ADGRL3: variants seen among roughly 807,000 people sequenced by gnomAD.
ADGRL3 encodes calcium-independent alpha-latrotoxin receptor 3.
Under a neutral mutation model 153.5 loss-of-function variants are expected in ADGRL3, and 62 were observed. That is an observed-to-expected ratio of 0.40 (90% confidence interval 0.33 to 0.50). ADGRL3 has a LOEUF of 0.50. ADGRL3 is among the 20% of genes least tolerant of loss of function. The pLI, the probability that ADGRL3 is intolerant of heterozygous loss-of-function variation, is 0.47. For synonymous variants in ADGRL3, 710 were observed against 672.5 expected (o/e 1.06, Z -0.86); for missense variants, 1,641 against 1,859.4 (o/e 0.88, Z 2.16).
At chr4:61,904,193 A>AC (rs967819333) in intron 11 of ADGRL3, among the ~76,000 whole-genome samples, 8 of 151,026 alleles carry the variant, frequency 5.3e-5, no homozygotes, top group Non-Finnish European at 8.9e-5. Flanking sequence ...AAAAAAAAAA[A>AC]CACTTCTTGA....
At chr4:61,971,862 G>A (rs1436949636) in intron 17 of ADGRL3, among the ~76,000 whole-genome samples, 5 of 152,150 alleles carry the variant, frequency 3.3e-5, no homozygotes, top group African/African-American at 1.2e-4. Context: ...ATTGGTGTGA[G>A]ATGGTATCTC....
In ADGRL3 at chr4:62,071,117, C is replaced by T. The variant is rs747240327; in HGVS notation, c.*209C>T. 34 of 496,350 alleles carry T rather than the reference C, an allele frequency of 6.9e-5. No homozygotes were observed. Among genetic ancestry groups the T allele is most frequent in the Non-Finnish European group, 9.9e-5 (28 of 281,628 alleles). The allele number at this position is 496,350 out of a possible 1,614,324, so 30.7% of individuals were successfully genotyped here. On this transcript the variant is annotated 3_prime_UTR_variant, in exon 27 of 27. Coordinates refer to ENST00000683033, the MANE Select transcript of ADGRL3 (RefSeq NM_001387552.1). ...TAACTGCTAAAATTCCCCTGTACCCCATCCTTTCTTGTCCTTTCCCCTTCA... is the reference window on the plus strand; with the variant it reads ...TAACTGCTAAAATTCCCCTGTACCCTATCCTTTCTTGTCCTTTCCCCTTCA...
intron 6 of ADGRL3, among the ~76,000 whole-genome samples, chr4:61,699,628 T>C (rs907418499): frequency 6.6e-6 from 1 of 152,134 alleles, no homozygotes; most frequent in Non-Finnish European, 1.5e-5. Flanking sequence ...GAAGAGTTAA[T>C]AGACCCATTA....
chr4:61,970,583 T>A (rs1344740996), intron 17 of ADGRL3, among the ~76,000 whole-genome samples: 1 of 152,124 alleles, frequency 6.6e-6, no homozygotes, highest in Non-Finnish European at 1.5e-5. Flanking sequence ...TCCATTGAAT[T>A]CAAAGGACAA....
At chr4:61,958,377 GTTTC>G (rs3065141) in intron 17 of ADGRL3, among the ~76,000 whole-genome samples, 7,979 of 148,076 alleles carry the variant, frequency 0.054, 243 homozygotes, top group Admixed American at 0.064. Context: ...TGTTGTAAAG[GTTTC>G]TTTCTTTCTT....
In ADGRL3 at chr4:61,695,831, C is replaced by T. The variant is rs150434514; in HGVS notation, c.583+18896C>T. Among the ~76,000 whole-genome samples, 45 of 152,242 alleles carry T rather than the reference C, an allele frequency of 3.0e-4. 1 individual carries two copies. Among genetic ancestry groups the T allele is most frequent in the African/African-American group, 1.0e-3 (42 of 41,556 alleles). Reference sequence around the variant, plus strand: ...TCAGTTATCTTAGATCTCTGAATAACTTGCTGCAGCCTCTCCATCAGAATT... The same window carrying T: ...TCAGTTATCTTAGATCTCTGAATAATTTGCTGCAGCCTCTCCATCAGAATT... On this transcript the variant is annotated intron_variant, in intron 6 of 26. Coordinates refer to ENST00000683033, the MANE Select transcript of ADGRL3 (RefSeq NM_001387552.1).
intron 2 of ADGRL3, among the ~76,000 whole-genome samples, chr4:61,483,307 G>GACAT (rs1168249671): frequency 1.3e-5 from 2 of 152,028 alleles, no homozygotes; most frequent in Admixed American, 6.6e-5. Flanking sequence ...ATAAGTGCTT[G>GACAT]ACATATTTAA....
chr4:61,750,182 TA>T (rs60768535), intron 8 of ADGRL3, among the ~76,000 whole-genome samples: 30,091 of 92,216 alleles, frequency 0.33, 5,711 homozygotes, highest in Non-Finnish European at 0.48. Context: ...AGGGGATGGT[TA>T]AAAAAAAAAA....
intron 5 of ADGRL3, among the ~76,000 whole-genome samples, chr4:61,642,466 A>C (rs1348902457): frequency 2.0e-5 from 3 of 152,136 alleles, no homozygotes; most frequent in Admixed American, 1.3e-4. Flanking sequence ...ATTTTTGTAT[A>C]AGGTGTAAGG....
intron 2 of ADGRL3, among the ~76,000 whole-genome samples, chr4:61,459,530 C>T (rs2152566141): frequency 6.6e-6 from 1 of 151,980 alleles, no homozygotes; most frequent in South Asian, 2.1e-4. Flanking sequence ...AAAGAGGTAT[C>T]TTCGATATAT....
intron 1 of ADGRL3, among the ~76,000 whole-genome samples, chr4:61,373,208 T>C (rs906192038): frequency 1.3e-5 from 2 of 152,294 alleles, no homozygotes; most frequent in South Asian, 2.1e-4. Flanking sequence ...GGCTGGGAGC[T>C]GTAGACCGGA....
At chr4:61,264,544 T>C (rs1448896780) in intron 1 of ADGRL3, among the ~76,000 whole-genome samples, 1 of 152,028 alleles carries the variant, frequency 6.6e-6, no homozygotes, top group Non-Finnish European at 1.5e-5. Context: ...TTCTTCCTTT[T>C]TAAAAATCAC....
intron 2 of ADGRL3, among the ~76,000 whole-genome samples, chr4:61,484,082 C>T (rs973834444): frequency 1.2e-4 from 18 of 151,862 alleles, no homozygotes; most frequent in African/African-American, 4.3e-4. Context: ...GGAAATTCTC[C>T]CCTCATCCCC....
intron 1 of ADGRL3, among the ~76,000 whole-genome samples, chr4:61,377,887 T>A (rs953060359): frequency 1.3e-5 from 2 of 152,032 alleles, no homozygotes; most frequent in East Asian, 1.9e-4. Context: ...TTTGCTATGG[T>A]GTGCTTTTGC....
chr4:61,904,319 G>T (rs2098684175), intron 11 of ADGRL3, among the ~76,000 whole-genome samples: 1 of 150,824 alleles, frequency 6.6e-6, no homozygotes, highest in African/African-American at 2.4e-5. Context: ...GAATTTGCCT[G>T]GCTATTTTTT....
intron 6 of ADGRL3, among the ~76,000 whole-genome samples, chr4:61,697,279 G>A (rs116731493): frequency 6.6e-6 from 1 of 151,990 alleles, no homozygotes; most frequent in African/African-American, 2.4e-5. Context: ...TCCAGAATTG[G>A]GACAGGCATG....
intron 1 of ADGRL3, among the ~76,000 whole-genome samples, chr4:61,338,351 G>A (rs2095728489): frequency 6.6e-6 from 1 of 151,572 alleles, no homozygotes; most frequent in Non-Finnish European, 1.5e-5. Context: ...CATGTTTTCA[G>A]GTGGTTCTCA....
rs182891540 is a variant in ADGRL3 at position 61,219,464 on chromosome 4, G to A, written c.-240+17699G>A. ...AACTGCATTTAATTTAATTAAGAAGGTTGAAACCACAAAGATCTTTCATTT... is the reference window on the plus strand; with the variant it reads ...AACTGCATTTAATTTAATTAAGAAGATTGAAACCACAAAGATCTTTCATTT... On this transcript the variant is annotated intron_variant, in intron 1 of 26. Transcript: ENST00000683033. Among the ~76,000 whole-genome samples, 19 of 152,210 alleles carry A rather than the reference G, an allele frequency of 1.2e-4. No homozygotes were observed. The East Asian group carries it at 1.5e-3, about 12-fold the overall frequency.
chr4:62,048,183 A>T lies in ADGRL3; in HGVS notation c.3814+3634A>T, dbSNP rs1011864978. On this transcript the variant is annotated intron_variant, in intron 25 of 26. Coordinates refer to ENST00000683033, the MANE Select transcript of ADGRL3 (RefSeq NM_001387552.1). ...GCAGCTAGAGTAGTCTTTGCCACCC[A>T]TATCTCCTACCAATAATTTCTGCAG... Among the ~76,000 whole-genome samples, 6 of 152,136 alleles carry T rather than the reference A, an allele frequency of 3.9e-5. No individual in the cohort carries two copies. In the East Asian group the frequency reaches 1.2e-3, roughly 29 times the overall value.
Sources: gnomAD v4.1 joint callset for allele counts (sites outside exome capture counted in the v4.1 genomes callset) on GRCh38, gnomAD v4.1.1 for gene constraint, MANE v1.5 for transcripts, NCBI Gene and HGNC (gene_info 2026-07-23, HGNC 2026-07-21) for gene names.